PHYHIPL: variants seen among roughly 807,000 people sequenced by gnomAD.
PHYHIPL encodes the protein phytanoyl-CoA 2-hydroxylase interacting protein like.
Under a neutral mutation model 33.4 loss-of-function variants are expected in PHYHIPL, and 9 were observed. The observed-to-expected ratio is 0.27, with a 90% CI of 0.16 to 0.47. PHYHIPL has a LOEUF of 0.47. Ranked by LOEUF, PHYHIPL falls within the 20% of genes least tolerant of loss-of-function variation. The pLI is 0.99. For missense variants in PHYHIPL, 365 were observed against 460.7 expected (o/e 0.79, Z 1.90); for synonymous variants, 153 against 154.1 (o/e 0.99, Z 0.05).
At chr10:59,238,530 T>C (rs1308437328) in intron 3 of PHYHIPL, 58 bp from the exon 4 acceptor site, 1 of 930,802 alleles carries the variant, frequency 1.1e-6, no homozygotes, top group Non-Finnish European at 1.8e-6. Context: ...TTATTAAGTA[T>C]ATGGTTGGTA....
chr10:59,227,244 C>G (rs1460109811), intron 1 of PHYHIPL, among the ~76,000 whole-genome samples: 2 of 152,118 alleles, frequency 1.3e-5, no homozygotes, highest in East Asian at 3.9e-4. Flanking sequence ...GGGCCTCTAC[C>G]TAGCTAGCTT....
intron 1 of PHYHIPL, among the ~76,000 whole-genome samples, chr10:59,222,218 G>C (rs1194646874): frequency 6.6e-6 from 1 of 151,946 alleles, no homozygotes; most frequent in East Asian, 1.9e-4. Context: ...CCAAAATCGG[G>C]GTGAAATGCC....
chr10:59,226,788 A>G (rs115331859), intron 1 of PHYHIPL, among the ~76,000 whole-genome samples: 5 of 152,312 alleles, frequency 3.3e-5, no homozygotes, highest in African/African-American at 1.2e-4. Flanking sequence ...GGAGAAAAAT[A>G]ACTTCTAGTA....
intron 1 of PHYHIPL, among the ~76,000 whole-genome samples, chr10:59,219,972 T>G (rs1398715101): frequency 3.3e-5 from 5 of 152,124 alleles, no homozygotes; most frequent in African/African-American, 9.7e-5. Flanking sequence ...AACTTGTATT[T>G]GTTCTATAAT....
intron 1 of PHYHIPL, among the ~76,000 whole-genome samples, chr10:59,209,785 C>A (rs879646833): frequency 2.4e-4 from 37 of 152,190 alleles, no homozygotes; most frequent in Non-Finnish European, 4.9e-4. Context: ...ACCATCTAAT[C>A]TTTGACAAAC....
intron 1 of PHYHIPL, among the ~76,000 whole-genome samples, chr10:59,186,270 A>G (rs1788290352): frequency 6.6e-6 from 1 of 152,130 alleles, no homozygotes; most frequent in Non-Finnish European, 1.5e-5. Flanking sequence ...AAGATCAGAT[A>G]GTTGTAGATA....
intron 1 of PHYHIPL, among the ~76,000 whole-genome samples, chr10:59,212,365 C>G (rs1839480232): frequency 6.6e-6 from 1 of 152,194 alleles, no homozygotes; most frequent in Admixed American, 6.5e-5. Context: ...TGCTTTCTTA[C>G]ATATTTTTAA....
upstream of PHYHIPL, chr10:59,176,612 C>A: frequency 2.9e-6 from 1 of 349,640 alleles, no homozygotes; most frequent in Non-Finnish European, 5.2e-6. Context: ...GCGCGCCTCC[C>A]ATCCTCGCGC....
At chr10:59,182,231 A>G (rs1838430623) in intron 1 of PHYHIPL, among the ~76,000 whole-genome samples, 1 of 151,932 alleles carries the variant, frequency 6.6e-6, no homozygotes, top group Admixed American at 6.6e-5. Context: ...TCTTGGATTT[A>G]TTTTCCATTT....
chr10:59,222,344 G>A (rs987211939), intron 1 of PHYHIPL, among the ~76,000 whole-genome samples: 4 of 151,964 alleles, frequency 2.6e-5, no homozygotes, highest in African/African-American at 9.7e-5. Flanking sequence ...AACTGTAAGA[G>A]AAATAATTCA....
intron 1 of PHYHIPL, among the ~76,000 whole-genome samples, chr10:59,185,259 G>A (rs1283786973): frequency 1.3e-5 from 2 of 152,042 alleles, no homozygotes; most frequent in Admixed American, 1.3e-4. Flanking sequence ...CAAAGTGCTG[G>A]GATTACAGGC....
At chr10:59,224,356 T>G (rs115379154) in intron 1 of PHYHIPL, among the ~76,000 whole-genome samples, 1,845 of 152,122 alleles carry the variant, frequency 0.012, 12 homozygotes, top group African/African-American at 0.023. Context: ...CAAGGGAGGC[T>G]GAGGTAGGAG....
At chr10:59,193,712 C>T (rs941822295) in intron 1 of PHYHIPL, among the ~76,000 whole-genome samples, 1 of 151,986 alleles carries the variant, frequency 6.6e-6, no homozygotes, top group African/African-American at 2.4e-5. Context: ...TTTTGTATAA[C>T]ATTTTCAAGC....
intron 1 of PHYHIPL, chr10:59,206,718 C>G (rs1331840203): frequency 2.0e-6 from 2 of 1,017,958 alleles, no homozygotes; most frequent in African/African-American, 1.7e-5. Context: ...AAGTACATAA[C>G]TAAAAGCTGT....
chr10:59,198,023 AT>A (rs537747226), intron 1 of PHYHIPL, among the ~76,000 whole-genome samples: 322 of 151,642 alleles, frequency 2.1e-3, no homozygotes, highest in African/African-American at 6.9e-3. Flanking sequence ...AGATCTCTTT[AT>A]TTTTTTTAAG....
intron 1 of PHYHIPL, among the ~76,000 whole-genome samples, chr10:59,195,435 A>G (rs920753472): frequency 1.3e-5 from 2 of 152,336 alleles, no homozygotes; most frequent in Non-Finnish European, 2.9e-5. Flanking sequence ...GTGGACAGTC[A>G]TGGAGAAGTA....
In PHYHIPL at chr10:59,244,562, C is replaced by CAAAAAAAAAAAAA. The variant is rs71006239; in HGVS notation, c.597-483_597-471dup. 3.5e-3 allele frequency among the ~76,000 whole-genome samples: 138 copies of CAAAAAAAAAAAAA among 39,536 alleles called. 24 individuals carry two copies. The highest frequency in any genetic ancestry group is 5.0e-3 in the Non-Finnish European group (106 of 20,994). 25.9% of individuals were successfully genotyped at this position (39,536 alleles called of 152,430 possible). A position where few individuals can be genotyped will look rare whatever the true frequency, so the allele number is the denominator to read the frequency against. ...CTGGCAACAGAGTGAGACTCTGTCT[C>CAAAAAAAAAAAAA]AAAAAAAAAAAAAAAAAAAAAAAAG... is the stretch of plus-strand genomic sequence containing the variant. On this transcript the variant is annotated intron_variant, in intron 4 of 4. Coordinates refer to ENST00000373880, the MANE Select transcript of PHYHIPL (RefSeq NM_032439.4).
intron 1 of PHYHIPL, among the ~76,000 whole-genome samples, chr10:59,216,467 T>G (rs944768800): frequency 3.3e-5 from 5 of 152,076 alleles, no homozygotes; most frequent in Admixed American, 1.3e-4. Context: ...TATGACCTAC[T>G]TCAGAGGAAA....
intron 1 of PHYHIPL, among the ~76,000 whole-genome samples, chr10:59,198,981 G>A (rs1180332053): frequency 4.0e-5 from 6 of 151,598 alleles, no homozygotes; most frequent in Non-Finnish European, 5.9e-5. Flanking sequence ...AGTAGATTGC[G>A]AAAATTTTCT....
Sources: allele counts gnomAD v4.1 joint callset (sites outside exome capture counted in the v4.1 genomes callset), GRCh38; gene constraint gnomAD v4.1.1; transcripts MANE v1.5; gene names NCBI Gene and HGNC (gene_info 2026-07-23, HGNC 2026-07-21).